VCL: variants seen among roughly 807,000 people sequenced by gnomAD.
VCL encodes vinculin.
In VCL, 47 loss-of-function variants were observed where a neutral mutation model predicts 125.7. The observed-to-expected ratio is 0.37, with a 90% CI of 0.30 to 0.48. The LOEUF is 0.48. Among genes scored for constraint, VCL ranks in the 20% least tolerant of loss-of-function variants. The pLI, the probability that VCL is intolerant of heterozygous loss-of-function variation, is 0.99. For missense variants in VCL, 1,069 were observed against 1,455.5 expected (o/e 0.73, Z 4.32); for synonymous variants, 458 against 514.6 (o/e 0.89, Z 1.49).
chr10:74,107,493 C>A, intron 17 of VCL, 139 bp downstream of exon 17: 1 of 1,412,418 alleles, frequency 7.1e-7, no homozygotes, highest in Non-Finnish European at 9.7e-7. Context: ...GGAGGCAGAT[C>A]TCGATTTTCA....
intron 1 of VCL, among the ~76,000 whole-genome samples, chr10:74,020,557 G>T (rs539646755): frequency 1.3e-5 from 2 of 152,120 alleles, no homozygotes; most frequent in South Asian, 4.1e-4. Flanking sequence ...GAAAAAACAG[G>T]GTCAATCACT....
intron 18 of VCL, among the ~76,000 whole-genome samples, chr10:74,111,659 C>A (rs1317957032): frequency 6.6e-6 from 1 of 152,190 alleles, no homozygotes; most frequent in Non-Finnish European, 1.5e-5. Context: ...GTAAAGATTT[C>A]TCTAGAAGCC....
chr10:74,026,071 T>C (rs949328116), intron 1 of VCL, among the ~76,000 whole-genome samples: 11 of 152,332 alleles, frequency 7.2e-5, no homozygotes, highest in Middle Eastern at 3.4e-3. Flanking sequence ...GCTAATGTTT[T>C]ATTATGCAGA....
rs57887979 is a variant in VCL at position 74,027,643 on chromosome 10, C to CAAAAAAAAAAAAAAAAAAAAA, written c.169-15435_169-15415dup. 2.6e-5 allele frequency: 2 copies of CAAAAAAAAAAAAAAAAAAAAA among 76,300 alleles called. 1 individual carries two copies. 4.7% of individuals were successfully genotyped at this position (76,300 alleles called of 1,614,324 possible). The stretch of plus-strand genomic sequence containing the variant: ...CCTGGGTGACAGAGCGAGACTGTCT[C>CAAAAAAAAAAAAAAAAAAAAA]AAAAAAAAAAAAAAAAAAAAAAAAA... On this transcript the variant is annotated intron_variant, in intron 1 of 21. Coordinates refer to ENST00000211998, the MANE Select transcript of VCL (RefSeq NM_014000.3).
intron 6 of VCL, 152 bp downstream of exon 6, chr10:74,075,055 A>G: frequency 9.8e-7 from 1 of 1,015,410 alleles, no homozygotes; most frequent in Non-Finnish European, 1.5e-6. Context: ...TTTCTGTTTC[A>G]TAGGTTACTT....
At chr10:74,014,573 A>T (rs1323001874) in intron 1 of VCL, among the ~76,000 whole-genome samples, 1 of 152,032 alleles carries the variant, frequency 6.6e-6, no homozygotes. Flanking sequence ...AAAGAAAAAA[A>T]GCAAAACGAA....
rs7097873 is a variant in VCL at position 74,103,705 on chromosome 10, G to A, written c.2023-115G>A. 1.6e-4 allele frequency: 155 copies of A among 954,628 alleles called. No homozygotes were observed. The African/African-American group carries it at 2.2e-3, about 14-fold the overall frequency. 59.1% of individuals were successfully genotyped at this position (954,628 alleles called of 1,614,324 possible). A position where few individuals can be genotyped will look rare whatever the true frequency, so the allele number is the denominator to read the frequency against. ...ATGTATTCAGCCTGAAAAGAGACTTGCCACTTTCTGGCTTTACAGTGCCAT... is the reference window on the plus strand; with the variant it reads ...ATGTATTCAGCCTGAAAAGAGACTTACCACTTTCTGGCTTTACAGTGCCAT... On this transcript the variant is annotated intron_variant, in intron 14 of 21. Transcript: ENST00000211998.
intron 1 of VCL, among the ~76,000 whole-genome samples, chr10:74,003,068 G>GTATT (rs1242709868): frequency 6.6e-6 from 1 of 151,550 alleles, no homozygotes; most frequent in East Asian, 1.9e-4. Flanking sequence ...TAGGGTGGGA[G>GTATT]TATTTATTTA....
intron 1 of VCL, among the ~76,000 whole-genome samples, chr10:74,019,269 G>T (rs1840615835): frequency 6.6e-6 from 1 of 152,060 alleles, no homozygotes; most frequent in Admixed American, 6.6e-5. Flanking sequence ...TAAGTTCTGG[G>T]ATACACATGC....
At chr10:74,066,184 C>T (rs903347009) in intron 2 of VCL, among the ~76,000 whole-genome samples, 2 of 151,844 alleles carry the variant, frequency 1.3e-5, no homozygotes, top group African/African-American at 2.4e-5. Context: ...CTCAGCCTCC[C>T]GAGTAGCTGG....
intron 1 of VCL, among the ~76,000 whole-genome samples, chr10:74,036,571 T>TA (rs1203900260): frequency 1.3e-5 from 2 of 151,488 alleles, no homozygotes; most frequent in African/African-American, 2.4e-5. Context: ...TTTTAAGGCA[T>TA]AAAAAAAATG....
At chr10:74,058,916 C>T (rs147069660) in intron 2 of VCL, among the ~76,000 whole-genome samples, 2 of 151,940 alleles carry the variant, frequency 1.3e-5, no homozygotes, top group African/African-American at 4.8e-5. Context: ...TGCGTGTGCA[C>T]GTGCGTATGC....
intron 1 of VCL, among the ~76,000 whole-genome samples, chr10:74,015,468 C>T (rs994143236): frequency 2.0e-5 from 3 of 151,938 alleles, no homozygotes; most frequent in Non-Finnish European, 2.9e-5. Flanking sequence ...GCAGGAGAAT[C>T]GCTGGAATGC....
At chr10:74,018,893 A>C (rs1331490125) in intron 1 of VCL, among the ~76,000 whole-genome samples, 2 of 152,130 alleles carry the variant, frequency 1.3e-5, no homozygotes, top group Non-Finnish European at 2.9e-5. Context: ...TCTGGCAGTA[A>C]CTAGTCCCCT....
intron 17 of VCL, 66 bp from the exon 18 acceptor site, chr10:74,108,901 GAAGA>G (rs1227931868): frequency 2.5e-6 from 4 of 1,593,476 alleles, no homozygotes; most frequent in African/African-American, 2.7e-5. Flanking sequence ...ATGCTTTTTA[GAAGA>G]AAGGAAAGAA....
chr10:74,002,879 TCAAA>T (rs1840254341), intron 1 of VCL, among the ~76,000 whole-genome samples: 1 of 118,672 alleles, frequency 8.4e-6, no homozygotes, highest in African/African-American at 3.7e-5. Context: ...AGACTCTGTC[TCAAA>T]AAAAAAAAAA....
intron 17 of VCL, among the ~76,000 whole-genome samples, chr10:74,108,481 T>C (rs1163603890): frequency 6.6e-6 from 1 of 151,996 alleles, no homozygotes; most frequent in Non-Finnish European, 1.5e-5. Flanking sequence ...TTTTTTTTTT[T>C]CTTTTTTTCT....
intron 6 of VCL, among the ~76,000 whole-genome samples, chr10:74,079,478 C>T (rs990981219): frequency 2.6e-5 from 4 of 152,148 alleles, no homozygotes; most frequent in African/African-American, 4.8e-5. Flanking sequence ...CTGAAATATA[C>T]AGACCTACAT....
chr10:74,007,926 C>T (rs1263737362), intron 1 of VCL, among the ~76,000 whole-genome samples: 2 of 152,018 alleles, frequency 1.3e-5, no homozygotes, highest in Non-Finnish European at 2.9e-5. Flanking sequence ...CCTCAGCCTC[C>T]CAAGTAGCTG....
Sources: gnomAD v4.1 joint callset for allele counts (sites outside exome capture counted in the v4.1 genomes callset) on GRCh38, gnomAD v4.1.1 for gene constraint, MANE v1.5 for transcripts, NCBI Gene and HGNC (gene_info 2026-07-23, HGNC 2026-07-21) for gene names.